The following NRCAM variants were observed in gnomAD, a reference collection of about 807,000 sequenced individuals.
The protein encoded by NRCAM is neuronal cell adhesion molecule.
In NRCAM, 83 loss-of-function variants were observed where a neutral mutation model predicts 156.5. The ratio of observed to expected loss-of-function variants is 0.53; its 90% CI spans 0.44 to 0.64. The LOEUF (loss-of-function observed/expected upper bound fraction) is 0.64. Among genes scored for constraint, NRCAM ranks in the 30% least tolerant of loss-of-function variants. NRCAM has a pLI of 0.00. For missense variants in NRCAM, 1,417 were observed against 1,597.3 expected, an observed-to-expected ratio of 0.89 and a Z score of 1.92; for synonymous variants, 538 against 563.9, an observed-to-expected ratio of 0.95 and a Z score of 0.65.
At chr7:108,333,884 C>T (rs1267305225) in intron 2 of NRCAM, among the ~76,000 whole-genome samples, 2 of 152,292 alleles carry the variant, frequency 1.3e-5, no homozygotes, top group East Asian at 3.9e-4. Context: ...TAACATTCTT[C>T]ACAAAACCCC....
At chr7:108,153,956 A>G (rs2043287868) in intron 32 of NRCAM, among the ~76,000 whole-genome samples, 1 of 152,168 alleles carries the variant, frequency 6.6e-6, no homozygotes, top group Non-Finnish European at 1.5e-5. Flanking sequence ...ACATCCATGG[A>G]TAGAAGACTC....
At chr7:108,176,402 A>G (rs1345717515) in intron 27 of NRCAM, 28 bp downstream of exon 27, 1 of 1,583,486 alleles carries the variant, frequency 6.3e-7, no homozygotes, top group Admixed American at 1.7e-5. Context: ...GCTTATAATT[A>G]TATGGATTTT....
At chr7:108,323,451 ATAAGT>A (rs2099026351) in intron 2 of NRCAM, among the ~76,000 whole-genome samples, 2 of 152,222 alleles carry the variant, frequency 1.3e-5, no homozygotes, top group Admixed American at 1.3e-4. Context: ...AAACATGCCT[ATAAGT>A]GGATGTGGGC....
At chr7:108,167,857 G>T (rs1158687776) in intron 29 of NRCAM, among the ~76,000 whole-genome samples, 1 of 152,094 alleles carries the variant, frequency 6.6e-6, no homozygotes, top group South Asian at 2.1e-4. Context: ...ATAAAATTCT[G>T]TTGGGCTAGT....
At chr7:108,347,404 A>AT (rs2099366127) in intron 2 of NRCAM, among the ~76,000 whole-genome samples, 2 of 152,178 alleles carry the variant, frequency 1.3e-5, no homozygotes, top group South Asian at 4.1e-4. Context: ...GCATTCATAA[A>AT]TAACATCACA....
chr7:108,212,480 T>G (rs1289751788), intron 11 of NRCAM, among the ~76,000 whole-genome samples: 1 of 152,204 alleles, frequency 6.6e-6, no homozygotes. Flanking sequence ...AAGCCCAATG[T>G]AAGGAAATCC....
rs2093425886 is a variant in NRCAM, at chr7:108,226,235, G to T, written c.694C>A (p.Gln232Lys). 1.9e-6 allele frequency: 3 copies of T among 1,602,830 alleles called. No homozygotes were observed. The highest frequency in any genetic ancestry group is 1.3e-5 in the African/African-American group (1 of 74,640). ...FNHTQTIQQK[Q>K]PISVKVISVD... ...GAAATCACCTTCACAGAAATAGGTT[G>T]CTTCTGCTGTATGGTTTGAGTATGA... The change falls in exon 9 of 33, where the codon CAA becomes AAA. Residue 232 changes from glutamine to lysine, a missense_variant. Physicochemically the swap from Gln to Lys is moderately conservative, Grantham distance 53 (BLOSUM62 1). This residue lies in a region of NRCAM where 1,238 missense variants were observed against 1,336.4 expected (regional missense o/e 0.93). Coordinates refer to ENST00000379028, the MANE Select transcript of NRCAM (RefSeq NM_001037132.4).
chr7:108,199,128 T>A (rs976725853), intron 13 of NRCAM, among the ~76,000 whole-genome samples: 2 of 152,218 alleles, frequency 1.3e-5, no homozygotes, highest in African/African-American at 4.8e-5. Flanking sequence ...CTTGAAGCAT[T>A]TAAGAAGACT....
At chr7:108,211,011 C>T (rs2083962021) in intron 11 of NRCAM, among the ~76,000 whole-genome samples, 1 of 152,184 alleles carries the variant, frequency 6.6e-6, no homozygotes, top group Admixed American at 6.5e-5. Context: ...ATTTTAGCTC[C>T]AGAATAACTG....
At chr7:108,188,094 G>A (rs1375376223) in intron 20 of NRCAM, among the ~76,000 whole-genome samples, 1 of 152,156 alleles carries the variant, frequency 6.6e-6, no homozygotes, top group Non-Finnish European at 1.5e-5. Context: ...AGTGGGGGAG[G>A]GAAGGAGGAG....
intron 2 of NRCAM, among the ~76,000 whole-genome samples, chr7:108,371,798 A>AAAGTGATCT (rs1292604233): frequency 6.6e-6 from 1 of 152,168 alleles, no homozygotes; most frequent in African/African-American, 2.4e-5. Flanking sequence ...AATATTACCC[A>AAAGTGATCT]AAGTGATCTA....
At chr7:108,214,473 T>C (rs994650073) in intron 11 of NRCAM, among the ~76,000 whole-genome samples, 55 of 128,714 alleles carry the variant, frequency 4.3e-4, no homozygotes, top group African/African-American at 1.5e-3. Context: ...TCATTTTTTA[T>C]TGTGTCTATT....
At chr7:108,323,764 A>G (rs985251407) in intron 2 of NRCAM, among the ~76,000 whole-genome samples, 4 of 152,166 alleles carry the variant, frequency 2.6e-5, no homozygotes, top group African/African-American at 9.7e-5. Context: ...GGTTGCAAAA[A>G]ATAAAGTATG....
chr7:108,407,123 T>C (rs1246706404), intron 1 of NRCAM, among the ~76,000 whole-genome samples: 1 of 152,234 alleles, frequency 6.6e-6, no homozygotes, highest in East Asian at 1.9e-4. Flanking sequence ...TTTATTTTTC[T>C]TGTGTGTCTG....
At chr7:108,375,930 C>T (rs2099673636) in intron 2 of NRCAM, among the ~76,000 whole-genome samples, 1 of 152,156 alleles carries the variant, frequency 6.6e-6, no homozygotes, top group South Asian at 2.1e-4. Flanking sequence ...CCCCCAGGAA[C>T]ATTTCAATAT....
At chr7:108,418,180 G>A (rs1804179378) in intron 1 of NRCAM, among the ~76,000 whole-genome samples, 1 of 152,134 alleles carries the variant, frequency 6.6e-6, no homozygotes, top group African/African-American at 2.4e-5. Context: ...CTGCATTTCT[G>A]TGGTCTTCCC....
chr7:108,230,230 C>T (rs964267760), intron 8 of NRCAM, among the ~76,000 whole-genome samples: 4 of 151,474 alleles, frequency 2.6e-5, no homozygotes, highest in Non-Finnish European at 5.9e-5. Flanking sequence ...CTCATGCTCC[C>T]ACCCCCACCC....
At chr7:108,191,578 C>G in intron 18 of NRCAM, 151 bp downstream of exon 18, 2 of 957,472 alleles carry the variant, frequency 2.1e-6, no homozygotes, top group Non-Finnish European at 3.0e-6. Context: ...ATTATTGCCT[C>G]CAAGGCATCT....
intron 2 of NRCAM, among the ~76,000 whole-genome samples, chr7:108,369,415 A>C (rs1483125555): frequency 1.3e-5 from 2 of 152,130 alleles, no homozygotes; most frequent in African/African-American, 4.8e-5. Context: ...GCCACTGAAA[A>C]GTCTTTGAAA....
Sources: gnomAD v4.1 joint callset for allele counts (sites outside exome capture counted in the v4.1 genomes callset) on GRCh38, gnomAD v4.1.1 for gene constraint, gnomAD v4.1.1 regional missense constraint, MANE v1.5 for transcripts, NCBI Gene and HGNC (gene_info 2026-07-23, HGNC 2026-07-21) for gene names.